The following ADGRB3 variants were observed in gnomAD, a reference collection of about 807,000 sequenced individuals.
ADGRB3 encodes the protein adhesion G protein-coupled receptor B3, also known as brain-specific angiogenesis inhibitor 3.
Under a neutral mutation model 193.4 loss-of-function variants are expected in ADGRB3, and 37 were observed. That is an observed-to-expected ratio of 0.19 (90% CI 0.15 to 0.25). The LOEUF is 0.25. Ranked by LOEUF, ADGRB3 falls within the 10% of genes least tolerant of loss-of-function variation. The probability of loss-of-function intolerance (pLI) is 1.00; values close to 1 mark genes in which losing one functional copy is unlikely to be tolerated. For missense variants in ADGRB3, 1,637 were observed against 1,852.9 expected (o/e 0.88, Z 2.14); for synonymous variants, 690 against 644.2 (o/e 1.07, Z -1.08).
chr6:69,383,361 G>A (rs1172525375), intron 31 of ADGRB3, among the ~76,000 whole-genome samples: 1 of 151,846 alleles, frequency 6.6e-6, no homozygotes, highest in Non-Finnish European at 1.5e-5. Flanking sequence ...TTGTCTCCAG[G>A]AGATTTACTT....
At chr6:68,869,660 G>C (rs1582269855) in intron 3 of ADGRB3, among the ~76,000 whole-genome samples, 2 of 151,710 alleles carry the variant, frequency 1.3e-5, no homozygotes, top group East Asian at 3.9e-4. Flanking sequence ...TTGTAGTTAT[G>C]GACTCTCACA....
chr6:68,824,315 T>C (rs1258012850), intron 3 of ADGRB3, among the ~76,000 whole-genome samples: 3 of 151,904 alleles, frequency 2.0e-5, no homozygotes, highest in Admixed American at 2.0e-4. Flanking sequence ...TCCACTGTTT[T>C]TACCATCAAT....
intron 3 of ADGRB3, among the ~76,000 whole-genome samples, chr6:68,850,173 G>GCCTCACCATTTCATTTTACCATGGA (rs1768368631): frequency 1.3e-5 from 2 of 151,282 alleles, no homozygotes; most frequent in African/African-American, 2.4e-5. Flanking sequence ...GATTCAGTGT[G>GCCTCACCATTTCATTTTACCATGGA]CCTCACCATT....
chr6:68,863,569 G>A (rs1582264511), intron 3 of ADGRB3, among the ~76,000 whole-genome samples: 1 of 151,878 alleles, frequency 6.6e-6, no homozygotes, highest in Non-Finnish European at 1.5e-5. Flanking sequence ...TATCCAATCA[G>A]TTTGCAAACT....
At chr6:68,744,501 T>G (rs1355620536) in intron 3 of ADGRB3, among the ~76,000 whole-genome samples, 1 of 152,174 alleles carries the variant, frequency 6.6e-6, no homozygotes, top group Non-Finnish European at 1.5e-5. Flanking sequence ...AGCCCATCAT[T>G]GATAGACTGG....
chr6:68,743,432 G>A (rs146700701), intron 3 of ADGRB3, among the ~76,000 whole-genome samples: 4 of 150,484 alleles, frequency 2.7e-5, no homozygotes, highest in Admixed American at 6.6e-5. Flanking sequence ...TTTTCTGTTC[G>A]GGAAGTTTCC....
At chr6:69,061,447 A>C (rs1771748332) in intron 15 of ADGRB3, among the ~76,000 whole-genome samples, 1 of 152,074 alleles carries the variant, frequency 6.6e-6, no homozygotes, top group African/African-American at 2.4e-5. Flanking sequence ...TAAATGGTAC[A>C]ATCACTTTAG....
Position 69,366,555 on chromosome 6 carries a change from T to C in ADGRB3, c.4239+5043T>C, listed in dbSNP as rs1582660242. 2.6e-5 allele frequency among the ~76,000 whole-genome samples: 4 copies of C among 152,274 alleles called. 1 individual carries two copies. In the East Asian group the frequency reaches 5.8e-4, roughly 22 times the overall value. Reference sequence around the variant, plus strand: ...TGCCTCTATGCATACATTCACTAAGTATTCCTTTGAGTAGCTTCATACTGT... The same window carrying C: ...TGCCTCTATGCATACATTCACTAAGCATTCCTTTGAGTAGCTTCATACTGT... On this transcript the variant is annotated intron_variant, in intron 29 of 31. Transcript: ENST00000370598.
At chr6:69,332,620 A>G (rs1768754460) in intron 23 of ADGRB3, 1 of 985,344 alleles carries the variant, frequency 1.0e-6, no homozygotes, top group South Asian at 4.7e-5. Context: ...CTCAGACAGA[A>G]GAATGCCAGA....
At chr6:69,063,092 A>G (rs1322990535) in intron 16 of ADGRB3, 56 bp downstream of exon 16, 1 of 1,335,790 alleles carries the variant, frequency 7.5e-7, no homozygotes, top group African/African-American at 1.4e-5. Flanking sequence ...TCTAACAGTC[A>G]TTCTTTCAAC....
intron 17 of ADGRB3, among the ~76,000 whole-genome samples, chr6:69,095,933 G>T (rs62406772): frequency 0.14 from 20,564 of 152,102 alleles, 1,575 homozygotes; most frequent in Middle Eastern, 0.3. Flanking sequence ...TGATAATATT[G>T]TATAGGTTCA....
intron 3 of ADGRB3, among the ~76,000 whole-genome samples, chr6:68,791,187 A>C (rs990518148): frequency 6.6e-6 from 1 of 152,032 alleles, no homozygotes; most frequent in Non-Finnish European, 1.5e-5. Context: ...GTAGGGTTTT[A>C]TTCAGAAAAA....
In ADGRB3 at chr6:69,071,616, TTTTG is replaced by T. The variant is rs757473992; in HGVS notation, c.2437-4367_2437-4364del. Among the ~76,000 whole-genome samples, 4 of 152,116 alleles carry T rather than the reference TTTTG, an allele frequency of 2.6e-5. No individual in the cohort carries two copies. The East Asian group carries it at 5.8e-4, about 22-fold the overall frequency. Reference sequence around the variant, plus strand: ...TTTGAATGGAGCCAAGAGTGGCAGTTTTTGTTTGTTTGTTTTGCCAAAAACATGT... The same window carrying T: ...TTTGAATGGAGCCAAGAGTGGCAGTTTTTGTTTGTTTTGCCAAAAACATGT... On this transcript the variant is annotated intron_variant, in intron 16 of 31. Transcript: ENST00000370598.
At chr6:68,959,524 G>C (rs1248122984) in intron 8 of ADGRB3, among the ~76,000 whole-genome samples, 1 of 151,954 alleles carries the variant, frequency 6.6e-6, no homozygotes, top group African/African-American at 2.4e-5. Context: ...TTGTTGTCAG[G>C]AAGGAGAAAT....
intron 17 of ADGRB3, among the ~76,000 whole-genome samples, chr6:69,168,184 C>CCTA (rs2150346918): frequency 6.6e-6 from 1 of 152,180 alleles, no homozygotes; most frequent in African/African-American, 2.4e-5. Context: ...AGAGTCGATG[C>CCTA]CTACCAAGGA....
intron 29 of ADGRB3, 62 bp downstream of exon 29, chr6:69,361,574 A>G: frequency 1.3e-6 from 2 of 1,490,004 alleles, no homozygotes; most frequent in Non-Finnish European, 9.1e-7. Flanking sequence ...ATAAATAGAG[A>G]TATTGATTGA....
intron 3 of ADGRB3, among the ~76,000 whole-genome samples, chr6:68,850,223 T>A (rs1297317814): frequency 2.0e-5 from 3 of 152,084 alleles, no homozygotes; most frequent in South Asian, 2.1e-4. Context: ...GTGTTTTTTT[T>A]AATTTATCTT....
chr6:69,117,922 A>C (rs770490759), intron 17 of ADGRB3, among the ~76,000 whole-genome samples: 4 of 152,346 alleles, frequency 2.6e-5, no homozygotes, highest in Non-Finnish European at 5.9e-5. Context: ...ACGTGAAGAT[A>C]GTAGCACTGT....
At chr6:68,791,840 T>A (rs953639488) in intron 3 of ADGRB3, among the ~76,000 whole-genome samples, 1 of 152,174 alleles carries the variant, frequency 6.6e-6, no homozygotes, top group Non-Finnish European at 1.5e-5. Flanking sequence ...ATAGAACATT[T>A]TGGCCAAGCC....
Sources: allele counts gnomAD v4.1 joint callset (sites outside exome capture counted in the v4.1 genomes callset), GRCh38; gene constraint gnomAD v4.1.1; transcripts MANE v1.5; gene names NCBI Gene and HGNC (gene_info 2026-07-23, HGNC 2026-07-21).